MAP4: variants seen among roughly 807,000 people sequenced by gnomAD.
MAP4 encodes the protein microtubule-associated protein 4.
MAP4 carries 76 observed loss-of-function variants against 170.2 expected under a neutral mutation model. The observed-to-expected ratio is 0.45, with a 90% confidence interval of 0.37 to 0.54. The LOEUF (loss-of-function observed/expected upper bound fraction) is 0.54, where lower values mean the gene tolerates loss of function less well. Among genes scored for constraint, MAP4 ranks in the 20% least tolerant of loss-of-function variants. The pLI is 0.00. For synonymous variants in MAP4, 909 were observed against 994.5 expected, an observed-to-expected ratio of 0.91 and a Z score of 1.62; for missense variants, 2,506 against 2,748.0, an observed-to-expected ratio of 0.91 and a Z score of 1.97.
chr3:47,965,944 C>T (rs1301059892), intron 3 of MAP4, among the ~76,000 whole-genome samples: 1 of 152,092 alleles, frequency 6.6e-6, no homozygotes, highest in Non-Finnish European at 1.5e-5. Context: ...CAAGAAAACA[C>T]TGCCAAATCC....
intron 3 of MAP4, among the ~76,000 whole-genome samples, chr3:47,955,297 C>T (rs2100067006): frequency 6.6e-6 from 1 of 152,038 alleles, no homozygotes; most frequent in African/African-American, 2.4e-5. Context: ...CTGCAAGAAC[C>T]ACCAGAAGCA....
intron 3 of MAP4, among the ~76,000 whole-genome samples, chr3:47,948,101 G>A (rs200321421): frequency 2.0e-5 from 3 of 151,216 alleles, no homozygotes; most frequent in African/African-American, 7.3e-5. Flanking sequence ...GGGTTCAAGC[G>A]ATTCTCCTGA....
chr3:47,852,713 C>T lies in MAP4; in HGVS notation c.*221G>A, dbSNP rs1052539311. On this transcript the variant is annotated 3_prime_UTR_variant, in exon 21 of 21. Transcript: ENST00000683076. The stretch of plus-strand genomic sequence containing the variant: ...TGAGAGGAGGTGTGGGGCAGGGCTG[C>T]TGCTGCCCCGGGCACGCAAAGCAGG... The T allele has an allele frequency of 2.0e-6, 3 of 1,502,824 alleles. No individual in the cohort carries two copies. The highest frequency in any genetic ancestry group is 4.2e-5 in the Admixed American group (2 of 47,700). The allele number at this position is 1,502,824 out of a possible 1,614,324, so 93.1% of individuals were successfully genotyped here.
At chr3:47,889,253 T>C (rs1426424641) in intron 10 of MAP4, among the ~76,000 whole-genome samples, 3 of 152,252 alleles carry the variant, frequency 2.0e-5, no homozygotes, top group Non-Finnish European at 2.9e-5. Flanking sequence ...GATTCCTCCA[T>C]TGTTCTTTTA....
At chr3:47,920,544 GTTTTTTTT>G (rs71070241) in intron 5 of MAP4, among the ~76,000 whole-genome samples, 1 of 96,588 alleles carries the variant, frequency 1.0e-5, no homozygotes, top group Non-Finnish European at 2.1e-5. Context: ...CACCCAGATG[GTTTTTTTT>G]TTTTTTTTTT....
intron 1 of MAP4, among the ~76,000 whole-genome samples, chr3:48,011,723 A>G (rs2100105367): frequency 6.6e-6 from 1 of 152,206 alleles, no homozygotes; most frequent in Non-Finnish European, 1.5e-5. Flanking sequence ...TGAGTTCATT[A>G]AAGAGCTTTT....
chr3:47,854,172 C>A (rs1218081639), intron 19 of MAP4, among the ~76,000 whole-genome samples: 1 of 152,212 alleles, frequency 6.6e-6, no homozygotes, highest in Non-Finnish European at 1.5e-5. Flanking sequence ...GAAAAGAACA[C>A]AAGGCTTAGG....
intron 3 of MAP4, among the ~76,000 whole-genome samples, chr3:47,929,911 C>T (rs1451922398): frequency 6.7e-6 from 1 of 149,674 alleles, no homozygotes; most frequent in African/African-American, 2.5e-5. Context: ...GGCGGATCAC[C>T]TGAAGTTAGG....
intron 2 of MAP4, among the ~76,000 whole-genome samples, chr3:47,989,077 T>C (rs1025266691): frequency 5.3e-5 from 8 of 152,124 alleles, no homozygotes; most frequent in African/African-American, 1.9e-4. Flanking sequence ...CTCAAAGTGC[T>C]GGGGATTACA....
rs568052775 is a variant in MAP4, at chr3:48,059,026, T to A, written c.-20+29747A>T. ...ACTCCTGACCTCAGGTGATCTGCCC[T>A]CCTTGGCCTCCCAAAGTGCTGAGAT... On this transcript the variant is annotated intron_variant, in intron 1 of 18. Transcript: ENST00000360240. Among the ~76,000 whole-genome samples the A allele has an allele frequency of 3.9e-5, 6 of 152,180 alleles. 1 individual carries two copies. Among genetic ancestry groups the A allele is most frequent in the African/African-American group, 1.4e-4 (6 of 41,534 alleles).
chr3:47,925,536 G>C (rs367929992), intron 4 of MAP4, among the ~76,000 whole-genome samples: 1 of 152,208 alleles, frequency 6.6e-6, no homozygotes, highest in East Asian at 1.9e-4. Context: ...ATATAATGGA[G>C]TATTACGTGT....
intron 10 of MAP4, among the ~76,000 whole-genome samples, chr3:47,884,495 T>C (rs2097260659): frequency 6.6e-6 from 1 of 152,206 alleles, no homozygotes; most frequent in Admixed American, 6.5e-5. Flanking sequence ...GTCTACAGGT[T>C]ATGACTGTAG....
At chr3:48,061,208 C>T (rs2100135041) in intron 1 of MAP4, among the ~76,000 whole-genome samples, 1 of 151,254 alleles carries the variant, frequency 6.6e-6, no homozygotes, top group Non-Finnish European at 1.5e-5. Context: ...CCCTCTCCCT[C>T]TCCCTCTCTT....
At chr3:47,879,015 C>A (rs1015917342) in intron 10 of MAP4, among the ~76,000 whole-genome samples, 8 of 152,034 alleles carry the variant, frequency 5.3e-5, no homozygotes, top group African/African-American at 1.7e-4. Context: ...ATCTAGAAAA[C>A]CAATTTCTAG....
intron 17 of MAP4, among the ~76,000 whole-genome samples, chr3:47,858,620 T>TTGTG (rs72034058): frequency 1.0e-3 from 143 of 143,088 alleles, no homozygotes; most frequent in African/African-American, 2.4e-3. Context: ...TGTGTGCGCG[T>TTGTG]TGTGTGTGTG....
At chr3:47,868,041 CAT>C (rs1232589936) in intron 16 of MAP4, among the ~76,000 whole-genome samples, 2 of 152,216 alleles carry the variant, frequency 1.3e-5, no homozygotes, top group African/African-American at 4.8e-5. Context: ...TTGAATCCTC[CAT>C]ATGCCTAATC....
chr3:48,001,389 A>C (rs2100099068), intron 1 of MAP4, among the ~76,000 whole-genome samples: 2 of 152,200 alleles, frequency 1.3e-5, no homozygotes, highest in Non-Finnish European at 2.9e-5. Flanking sequence ...ATTTCAAATA[A>C]ATTTAAGCCT....
chr3:47,928,412 G>A, intron 3 of MAP4, 62 bp from the exon 4 acceptor site: 1 of 1,533,042 alleles, frequency 6.5e-7, no homozygotes, highest in Non-Finnish European at 9.0e-7. Context: ...CCACTACAGT[G>A]GAATTTCTAC....
intron 10 of MAP4, chr3:47,891,979 G>GAT: frequency 6.5e-7 from 1 of 1,536,326 alleles, no homozygotes; most frequent in East Asian, 2.4e-5. Flanking sequence ...ATCTGGTAGG[G>GAT]ATGTCAGCAG....
Sources: allele counts gnomAD v4.1 joint callset (sites outside exome capture counted in the v4.1 genomes callset), GRCh38; gene constraint gnomAD v4.1.1; transcripts MANE v1.5; gene names NCBI Gene and HGNC (gene_info 2026-07-23, HGNC 2026-07-21).